Variants in ZFPM2 observed in about 807,000 individuals in gnomAD.
ZFPM2 encodes zinc finger protein ZFPM2.
Under a neutral mutation model 98.6 loss-of-function variants are expected in ZFPM2, and 20 were observed. The observed-to-expected ratio is 0.20, with a 90% CI of 0.14 to 0.29. ZFPM2 has a LOEUF of 0.29. Ranked by LOEUF, ZFPM2 falls within the 10% of genes least tolerant of loss-of-function variation. The pLI, the probability that ZFPM2 is intolerant of heterozygous loss-of-function variation, is 1.00. For missense variants in ZFPM2, 1,310 were observed against 1,388.6 expected (o/e 0.94, Z 0.90); for synonymous variants, 518 against 502.7 (o/e 1.03, Z -0.41).
intron 1 of ZFPM2, among the ~76,000 whole-genome samples, chr8:105,391,066 C>T (rs984849117): frequency 7.2e-5 from 11 of 152,044 alleles, no homozygotes; most frequent in African/African-American, 1.9e-4. Flanking sequence ...GCAGACATAC[C>T]TCATTTTATT....
At chr8:105,644,693 A>G (rs1817009441) in intron 5 of ZFPM2, among the ~76,000 whole-genome samples, 1 of 152,182 alleles carries the variant, frequency 6.6e-6, no homozygotes, top group African/African-American at 2.4e-5. Flanking sequence ...TGGGAAGTCC[A>G]TGATTAGGAT....
intron 2 of ZFPM2, among the ~76,000 whole-genome samples, chr8:105,429,497 A>G (rs1206223482): frequency 1.4e-5 from 2 of 147,496 alleles, no homozygotes; most frequent in Non-Finnish European, 2.9e-5. Flanking sequence ...CTGATTAAGG[A>G]AACAATGCAT....
intron 3 of ZFPM2, among the ~76,000 whole-genome samples, chr8:105,556,412 G>T (rs1814991844): frequency 1.3e-5 from 2 of 152,098 alleles, no homozygotes; most frequent in Admixed American, 1.3e-4. Context: ...TATTTATCAG[G>T]TACTTTGCCT....
chr8:105,574,223 G>T (rs1194742348), intron 4 of ZFPM2, among the ~76,000 whole-genome samples: 1 of 152,112 alleles, frequency 6.6e-6, no homozygotes, highest in East Asian at 1.9e-4. Flanking sequence ...TGATTAGCTG[G>T]CATGAATATT....
At chr8:105,767,706 A>G (rs1429271519) in intron 5 of ZFPM2, among the ~76,000 whole-genome samples, 1 of 151,882 alleles carries the variant, frequency 6.6e-6, no homozygotes, top group Admixed American at 6.6e-5. Context: ...ATCAGGGAAT[A>G]TAAAAAAAAT....
chr8:105,383,643 G>T (rs1473826828), intron 1 of ZFPM2, among the ~76,000 whole-genome samples: 2 of 152,070 alleles, frequency 1.3e-5, no homozygotes, highest in Non-Finnish European at 2.9e-5. Flanking sequence ...TAACATGAAA[G>T]ATTTACCTAA....
intron 5 of ZFPM2, among the ~76,000 whole-genome samples, chr8:105,641,943 A>G (rs1463286277): frequency 1.3e-5 from 2 of 152,012 alleles, no homozygotes; most frequent in Admixed American, 1.3e-4. Context: ...AACGGTAGAA[A>G]CCCAGTTAGA....
At chr8:105,561,004 T>C (rs1449188822) in intron 3 of ZFPM2, among the ~76,000 whole-genome samples, 5 of 152,174 alleles carry the variant, frequency 3.3e-5, no homozygotes, top group Non-Finnish European at 7.4e-5. Flanking sequence ...TACAAGAATT[T>C]TAGCACAAAA....
At chr8:105,733,581 C>T (rs181500017) in intron 5 of ZFPM2, among the ~76,000 whole-genome samples, 33 of 151,846 alleles carry the variant, frequency 2.2e-4, no homozygotes, top group Admixed American at 9.9e-4. Context: ...GATTTTTGTA[C>T]CCTGGAGGCA....
At chr8:105,381,466 G>T (rs1237183625) in intron 1 of ZFPM2, among the ~76,000 whole-genome samples, 1 of 151,932 alleles carries the variant, frequency 6.6e-6, no homozygotes, top group Non-Finnish European at 1.5e-5. Flanking sequence ...CTTTGTTTTT[G>T]ACAACATCCT....
At chr8:105,526,670 A>C (rs922381942) in intron 3 of ZFPM2, among the ~76,000 whole-genome samples, 47 of 152,210 alleles carry the variant, frequency 3.1e-4, no homozygotes, top group Non-Finnish European at 1.5e-5. Flanking sequence ...CGGTTGGGTA[A>C]AACGCTGATG....
intron 1 of ZFPM2, among the ~76,000 whole-genome samples, chr8:105,362,050 T>C (rs1810407846): frequency 6.6e-6 from 1 of 152,084 alleles, no homozygotes; most frequent in Non-Finnish European, 1.5e-5. Context: ...AAGCCAGGCA[T>C]GATTGCATGT....
rs1237615880 is a variant in ZFPM2, at chr8:105,344,296, A to G, written c.40+25315A>G. ...AACAACCAAATCTTCTGGAAGCTAA[A>G]CAAGCTGTCAGAACTCTCAAAGCCT... On this transcript the variant is annotated intron_variant, in intron 1 of 7. Transcript: ENST00000407775. 2.6e-5 allele frequency among the ~76,000 whole-genome samples: 4 copies of G among 152,284 alleles called. No individual in the cohort carries two copies. The East Asian group carries it at 7.7e-4, about 29-fold the overall frequency.
intron 4 of ZFPM2, among the ~76,000 whole-genome samples, chr8:105,614,287 C>T (rs1467787092): frequency 1.3e-5 from 2 of 152,026 alleles, no homozygotes; most frequent in Non-Finnish European, 2.9e-5. Flanking sequence ...TTTTCAGCTA[C>T]CCTATTGCAT....
chr8:105,697,403 A>G (rs1417068888), intron 5 of ZFPM2, among the ~76,000 whole-genome samples: 1 of 152,200 alleles, frequency 6.6e-6, no homozygotes, highest in Non-Finnish European at 1.5e-5. Flanking sequence ...AAGCAGATTT[A>G]CAGATAGGTA....
In ZFPM2 at chr8:105,318,460, G is replaced by C. The variant is rs1173456593; in HGVS notation, c.-482G>C. ...CGCAGAACAGGAGCTGCGCGGCCCG[G>C]AGCGGCGGCGGCGGCGCCGGAGTAT... On this transcript the variant is annotated 5_prime_UTR_variant, in exon 1 of 8. Coordinates refer to ENST00000407775, the MANE Select transcript of ZFPM2 (RefSeq NM_012082.4). Among the ~76,000 whole-genome samples, 3 of 151,282 alleles carry C rather than the reference G, an allele frequency of 2.0e-5. No homozygotes were observed. Among genetic ancestry groups the C allele is most frequent in the African/African-American group, 7.3e-5 (3 of 41,266 alleles).
At chr8:105,422,051 A>AG (rs917047706) in intron 2 of ZFPM2, among the ~76,000 whole-genome samples, 2 of 151,060 alleles carry the variant, frequency 1.3e-5, no homozygotes, top group African/African-American at 4.9e-5. Context: ...CCATCTCAAA[A>AG]AAAAAAAAAA....
chr8:105,616,664 C>CAATAATAAT (rs4038140), intron 4 of ZFPM2: 3 of 374,626 alleles, frequency 8.0e-6, no homozygotes, highest in Admixed American at 3.2e-5. Context: ...TATGGTATAA[C>CAATAATAAT]AATAATAATA....
At chr8:105,464,920 T>C (rs1166967358) in intron 3 of ZFPM2, among the ~76,000 whole-genome samples, 1 of 151,742 alleles carries the variant, frequency 6.6e-6, no homozygotes, top group Admixed American at 6.6e-5. Context: ...AACGGACTTT[T>C]TAGCTATTTG....
Sources: allele counts gnomAD v4.1 joint callset (sites outside exome capture counted in the v4.1 genomes callset), GRCh38; gene constraint gnomAD v4.1.1; transcripts MANE v1.5; gene names NCBI Gene and HGNC (gene_info 2026-07-23, HGNC 2026-07-21).